Variants in FREM1 observed in about 807,000 individuals in gnomAD.
FREM1 encodes the protein FRAS1 related extracellular matrix 1.
A neutral mutation model predicts 210.1 loss-of-function variants in FREM1; 220 were observed. The ratio of observed to expected loss-of-function variants is 1.05; its 90% CI spans 0.94 to 1.17. The LOEUF is 1.17. FREM1 is among the 50% of genes most tolerant of loss of function. FREM1 has a pLI of 0.00. For synonymous variants in FREM1, 1,189 were observed against 980.2 expected (o/e 1.21, Z -3.98); for missense variants, 3,454 against 2,675.5 (o/e 1.29, Z -6.42).
At chr9:14,891,342 G>T (rs973162515) in intron 1 of FREM1, among the ~76,000 whole-genome samples, 21 of 152,226 alleles carry the variant, frequency 1.4e-4, no homozygotes, top group African/African-American at 4.3e-4. Context: ...TAAGTGCTGG[G>T]ATTGTGAAGA....
chr9:14,781,513 A>G (rs1376980552), intron 24 of FREM1, among the ~76,000 whole-genome samples: 1 of 152,216 alleles, frequency 6.6e-6, no homozygotes, highest in Non-Finnish European at 1.5e-5. Flanking sequence ...AAACCTTTTA[A>G]CTACTAAAAA....
chr9:14,810,610 T>C (rs141721615), intron 16 of FREM1, among the ~76,000 whole-genome samples: 2 of 152,302 alleles, frequency 1.3e-5, no homozygotes, highest in East Asian at 3.9e-4. Context: ...AATTGGGGAA[T>C]AGCAAATTAT....
chr9:14,748,488 T>C lies in FREM1; in HGVS notation c.5709A>G (p.Leu1903=), dbSNP rs1029380893. The change falls in exon 31 of 37, where the codon CTA becomes CTG. Residue 1903 remains leucine, a synonymous_variant. Transcript: ENST00000380880. ...ERRPLPSSMQ[L]AVIRGDTLRG... ...GCAGGGTGTCTCCCCTGATGACTGC[T>C]AGCTGCATGGAAGATGGAAGAGGTC... 37 of 1,613,760 alleles carry C rather than the reference T, an allele frequency of 2.3e-5. No individual in the cohort carries two copies. Among genetic ancestry groups the C allele is most frequent in the South Asian group, 3.3e-5 (3 of 91,078 alleles).
In FREM1 at chr9:14,797,505, G is replaced by C; in HGVS notation, c.3832C>G (p.Leu1278Val). 3 of 1,607,412 alleles carry C rather than the reference G, an allele frequency of 1.9e-6. No individual in the cohort carries two copies. Among genetic ancestry groups the C allele is most frequent in the Non-Finnish European group, 2.5e-6 (3 of 1,176,790 alleles). Residue 1278 changes from leucine to valine, a missense_variant, in exon 21 of 37, where the codon CTG (leucine) becomes GTG (valine). Physicochemically the swap from Leu to Val is conservative, Grantham distance 32. Transcript: ENST00000380880. ...VIPVNDEKPMLSKKAEIAMNM... is the reference protein window; with the variant it reads ...VIPVNDEKPMVSKKAEIAMNM... ...TCTTTTCAGGTAGCTTACTTGCTCAGCATTGGTTTTTCATCATTAACTGGG... is the reference window on the plus strand; with the variant it reads ...TCTTTTCAGGTAGCTTACTTGCTCACCATTGGTTTTTCATCATTAACTGGG...
In FREM1 at chr9:14,764,697, C is replaced by G. The variant is rs1213431370; in HGVS notation, c.5205-4796G>C. Among the ~76,000 whole-genome samples, 7 of 152,282 alleles carry G rather than the reference C, an allele frequency of 4.6e-5. No individual in the cohort carries two copies. In the East Asian group the frequency reaches 1.4e-3, roughly 29 times the overall value. On this transcript the variant is annotated intron_variant, in intron 27 of 36. Coordinates refer to ENST00000380880, the MANE Select transcript of FREM1 (RefSeq NM_001379081.2). ...GTTCTGCAGTGCTCAGGAGACTCCC[C>G]TGTGACACCGAATGGTCTGTTTCAA...
At chr9:14,742,444 G>C (rs191012755) in intron 35 of FREM1, among the ~76,000 whole-genome samples, 64 of 152,256 alleles carry the variant, frequency 4.2e-4, no homozygotes, top group Middle Eastern at 6.8e-3. Context: ...TTCAAGAAGT[G>C]CATAATCTAG....
chr9:14,904,474 A>C (rs1817336293), intron 1 of FREM1, among the ~76,000 whole-genome samples: 1 of 152,104 alleles, frequency 6.6e-6, no homozygotes, highest in Non-Finnish European at 1.5e-5. Flanking sequence ...AAATTGTGTA[A>C]CTCTACATTT....
chr9:14,859,467 G>A lies in FREM1; in HGVS notation c.347C>T (p.Thr116Ile), dbSNP rs747949999. The change falls in exon 4 of 37, where the codon ACC becomes ATC. Residue 116 changes from threonine to isoleucine, a missense_variant. Physicochemically the swap from Thr to Ile is moderately conservative, Grantham distance 89 (BLOSUM62 -1). Coordinates refer to ENST00000380880, the MANE Select transcript of FREM1 (RefSeq NM_001379081.2). Reference sequence around the variant, plus strand: ...CCACAGGATAAAAGTTTCTATGAAGGTATCTCTTTCAGTAAATCTGTGGAG... The same window carrying A: ...CCACAGGATAAAAGTTTCTATGAAGATATCTCTTTCAGTAAATCTGTGGAG... The part of the protein sequence containing the change: ...LRLYRFTERD[T>I]FIETFILWVY... 3.9e-5 allele frequency: 63 copies of A among 1,612,580 alleles called. No individual in the cohort carries two copies. Among genetic ancestry groups the A allele is most frequent in the Non-Finnish European group, 4.6e-5 (54 of 1,179,156 alleles).
chr9:14,797,709 T>C (rs1852704992), intron 20 of FREM1, 67 bp from the exon 21 acceptor site: 2 of 1,328,068 alleles, frequency 1.5e-6, no homozygotes, highest in Non-Finnish European at 2.1e-6. Flanking sequence ...ATGTCACAGA[T>C]AATGTCTTAA....
rs745509995 is a variant in FREM1, at chr9:14,824,042, G to A, written c.2152C>T (p.Leu718=). 3.0e-5 allele frequency: 48 copies of A among 1,592,490 alleles called. No homozygotes were observed. The highest frequency in any genetic ancestry group is 4.1e-5 in the Non-Finnish European group (48 of 1,167,758). ...CCTCATACCTGAGTGAATGACCTCA[G>A]CTCCAGGGCCGTAGGATTCTTAACT... ...KVVKNPTALE[L]RSFTQHAVNY... is the part of the protein sequence containing the mutation. The change falls in exon 12 of 37, where the codon CTG becomes TTG. Residue 718 remains leucine, a synonymous_variant. Coordinates refer to ENST00000380880, the MANE Select transcript of FREM1 (RefSeq NM_001379081.2).
chr9:14,760,852 T>C (rs1439027149), intron 27 of FREM1, among the ~76,000 whole-genome samples: 2 of 152,154 alleles, frequency 1.3e-5, no homozygotes, highest in Non-Finnish European at 2.9e-5. Context: ...TTTTGAGGTC[T>C]TGCCTTTTTT....
At position 14,819,329 on chromosome 9, in the gene FREM1, C is replaced by T. The variant is rs757380259; in HGVS notation, c.2451G>A (p.Arg817=). The change falls in exon 14 of 37, where the codon CGG becomes CGA. Residue 817 remains arginine (R), a synonymous_variant. Transcript: ENST00000380880. Reference sequence around the variant, plus strand: ...CCACCCTTCCGTGCAGAGGCAATTCCCGCAGGGAGAGGTCAATATTGTCCA... The same window carrying T: ...CCACCCTTCCGTGCAGAGGCAATTCTCGCAGGGAGAGGTCAATATTGTCCA... The part of the protein sequence containing the change: ...TKLDNIDLSL[R]ELPLHGRVEL... 68 of 1,613,928 alleles carry T rather than the reference C, an allele frequency of 4.2e-5. No individual in the cohort carries two copies. In the South Asian group the frequency reaches 7.2e-4, roughly 17 times the overall value.
Position 14,819,277 on chromosome 9 carries a change from C to A in FREM1, c.2503G>T (p.Gly835Trp), listed in dbSNP as rs749281641. The change falls in exon 14 of 37, where the codon GGG becomes TGG. Residue 835 changes from glycine to tryptophan, a missense_variant. By Grantham distance (184) the Gly-to-Trp change is radical. Transcript: ENST00000380880. ...VELNGFPLNS[G>W]GTFSWGDLHT... Reference sequence around the variant, plus strand: ...AGATCGCCCCAAGAAAATGTGCCCCCTGAATTTAGAGGAAATCCATTCAGC... The same window carrying A: ...AGATCGCCCCAAGAAAATGTGCCCCATGAATTTAGAGGAAATCCATTCAGC... 3.1e-6 allele frequency: 5 copies of A among 1,613,782 alleles called. No individual in the cohort carries two copies. In the East Asian group the frequency reaches 1.1e-4, roughly 36 times the overall value.
intron 21 of FREM1, among the ~76,000 whole-genome samples, chr9:14,794,969 G>C (rs868399750): frequency 7.0e-6 from 1 of 142,620 alleles, no homozygotes; most frequent in Admixed American, 7.3e-5. Flanking sequence ...CTGCACTCCA[G>C]CCTGGGTGAC....
chr9:14,855,819 G>A (rs7026871), intron 5 of FREM1, among the ~76,000 whole-genome samples: 5,536 of 151,776 alleles, frequency 0.036, 301 homozygotes, highest in African/African-American at 0.12. Flanking sequence ...AAATAAAGGC[G>A]TATTCAATAT....
At chr9:14,895,806 A>T (rs1837614170) in intron 1 of FREM1, among the ~76,000 whole-genome samples, 1 of 152,162 alleles carries the variant, frequency 6.6e-6, no homozygotes, top group Non-Finnish European at 1.5e-5. Context: ...AATACAAGAG[A>T]TCCTCATAGT....
At position 14,737,525 on chromosome 9, in the gene FREM1, C is replaced by T. The variant is rs374520674; in HGVS notation, c.6411G>A (p.Gly2137=). The T allele has an allele frequency of 6.2e-7, 1 of 1,611,982 alleles. No individual in the cohort carries two copies. Among genetic ancestry groups the T allele is most frequent in the Non-Finnish European group, 8.5e-7 (1 of 1,178,922 alleles). ...IGGEPVAFTN[G]RRGPSQRSKL... ...TGGAGCGTTGAGAGGGCCCTCTTCT[C>T]CCATTGGTGAAGGCAACAGGTTCAC... The change falls in exon 37 of 37, where the codon GGG becomes GGA. Residue 2137 remains glycine (G), a synonymous_variant. Coordinates refer to ENST00000380880, the MANE Select transcript of FREM1 (RefSeq NM_001379081.2).
chr9:14,798,434 G>C (rs1852856285), intron 20 of FREM1, among the ~76,000 whole-genome samples: 1 of 151,960 alleles, frequency 6.6e-6, no homozygotes, highest in African/African-American at 2.4e-5. Context: ...AACATAATGA[G>C]ACCTTGTCTT....
chr9:14,901,158 G>T (rs1051931570), intron 1 of FREM1, among the ~76,000 whole-genome samples: 1 of 152,120 alleles, frequency 6.6e-6, no homozygotes, highest in African/African-American at 2.4e-5. Flanking sequence ...GGTAGAAGTG[G>T]ATATTTAGGT....
Sources: allele counts gnomAD v4.1 joint callset (sites outside exome capture counted in the v4.1 genomes callset), GRCh38; gene constraint gnomAD v4.1.1; transcripts MANE v1.5; gene names NCBI Gene and HGNC (gene_info 2026-07-23, HGNC 2026-07-21).